FAM47E: variants seen among roughly 807,000 people sequenced by gnomAD.
FAM47E encodes family with sequence similarity 47 member E.
FAM47E carries 32 observed loss-of-function variants against 41.6 expected under a neutral mutation model. The ratio of observed to expected loss-of-function variants is 0.77; its 90% confidence interval spans 0.58 to 1.03. FAM47E has a LOEUF of 1.03. Ranked by LOEUF, FAM47E falls within the 50% of genes least tolerant of loss-of-function variation. FAM47E has a pLI of 0.00. For missense variants in FAM47E, 424 were observed against 485.4 expected (o/e 0.87, Z 1.19); for synonymous variants, 184 against 188.7 (o/e 0.98, Z 0.20).
At chr4:76,269,957 T>C (rs1169122775) in intron 4 of FAM47E, among the ~76,000 whole-genome samples, 2 of 152,182 alleles carry the variant, frequency 1.3e-5, no homozygotes, top group Non-Finnish European at 2.9e-5. Context: ...TTGCATTCCA[T>C]GTCCCCACCC....
chr4:76,266,252 A>G (rs1734629397), intron 3 of FAM47E, among the ~76,000 whole-genome samples: 1 of 152,128 alleles, frequency 6.6e-6, no homozygotes, highest in Non-Finnish European at 1.5e-5. Context: ...ACGTTTACTC[A>G]CAACCAAGTG....
chr4:76,247,946 G>C (rs111602263), upstream of FAM47E, among the ~76,000 whole-genome samples: 1,347 of 103,458 alleles, frequency 0.013, 35 homozygotes, highest in African/African-American at 0.047. Context: ...ACAGAGTCTT[G>C]CTCTATCACC....
chr4:76,278,268 T>A, intron 6 of FAM47E, 44 bp downstream of exon 6: 1 of 1,437,362 alleles, frequency 7.0e-7, no homozygotes, highest in South Asian at 1.6e-5. Context: ...CTTCAGATGA[T>A]CACAGTGCAT....
upstream of FAM47E, among the ~76,000 whole-genome samples, chr4:76,248,330 A>C (rs1351801410): frequency 6.6e-6 from 1 of 152,082 alleles, no homozygotes; most frequent in East Asian, 1.9e-4. Flanking sequence ...TTAAGAAGCC[A>C]TTGCCAAATT....
At chr4:76,246,801 C>G (rs760070980), upstream of FAM47E, among the ~76,000 whole-genome samples, 6 of 152,074 alleles carry the variant, frequency 3.9e-5, no homozygotes, top group Non-Finnish European at 8.8e-5. Context: ...TGACGTCTGG[C>G]TTCTTTTGCT....
intron 2 of FAM47E, among the ~76,000 whole-genome samples, chr4:76,225,976 T>C (rs1193447834): frequency 6.6e-6 from 1 of 152,234 alleles, no homozygotes; most frequent in Non-Finnish European, 1.5e-5. Context: ...CCAATTCATC[T>C]TTGAATGTCT....
chr4:76,235,187 G>A (rs1297735423), intron 2 of FAM47E, among the ~76,000 whole-genome samples: 2 of 152,022 alleles, frequency 1.3e-5, no homozygotes, highest in East Asian at 1.9e-4. Context: ...GCGTGGTGGC[G>A]GGCTTCTGTA....
intron 1 of FAM47E, 148 bp downstream of exon 1, chr4:76,251,968 C>G: frequency 9.1e-7 from 1 of 1,099,632 alleles, no homozygotes; most frequent in Non-Finnish European, 1.2e-6. Context: ...ACATAATACG[C>G]TGAGATAACC....
chr4:76,259,886 G>T (rs1484673406), intron 2 of FAM47E, among the ~76,000 whole-genome samples: 1 of 152,128 alleles, frequency 6.6e-6, no homozygotes, highest in Non-Finnish European at 1.5e-5. Flanking sequence ...TGAAATTAAT[G>T]TTCAAAAATC....
Position 76,283,660 on chromosome 4 carries a change from G to T in FAM47E, c.*202G>T, listed in dbSNP as rs983850203. 4.1e-6 allele frequency: 2 copies of T among 489,184 alleles called. No individual in the cohort carries two copies. Among genetic ancestry groups the T allele is most frequent in the Non-Finnish European group, 7.4e-6 (2 of 271,510 alleles). The allele number at this position is 489,184 out of a possible 1,614,324, so 30.3% of individuals were successfully genotyped here. ...TTCTGCTTCAGTTAATCAACATTTT[G>T]TATACTTTATCACCCATGAGATCAA... On this transcript the variant is annotated 3_prime_UTR_variant, in exon 8 of 8. Transcript: ENST00000424749.
At chr4:76,270,965 A>G (rs1734861605) in intron 4 of FAM47E, among the ~76,000 whole-genome samples, 1 of 152,178 alleles carries the variant, frequency 6.6e-6, no homozygotes. Context: ...CCACAATGCC[A>G]GCTGCTGGTG....
At chr4:76,276,359 T>TTG (rs148218893) in intron 5 of FAM47E, among the ~76,000 whole-genome samples, 30,434 of 111,360 alleles carry the variant, frequency 0.27, 3,214 homozygotes, top group Middle Eastern at 0.39. Context: ...GGGTTACTTT[T>TTG]TTTTGTTTGT....
chr4:76,261,303 C>T (rs1734405953), intron 2 of FAM47E, among the ~76,000 whole-genome samples: 1 of 152,160 alleles, frequency 6.6e-6, no homozygotes, highest in Admixed American at 6.5e-5. Context: ...TGCCATTCAA[C>T]CCAGCAATTC....
At chr4:76,262,544 T>C (rs550546910) in intron 2 of FAM47E, among the ~76,000 whole-genome samples, 2 of 152,200 alleles carry the variant, frequency 1.3e-5, no homozygotes, top group Non-Finnish European at 2.9e-5. Context: ...AGAGCTCTAA[T>C]TCATTTCATG....
chr4:76,263,060 C>T lies in FAM47E; in HGVS notation c.421-644C>T, dbSNP rs575171933. 1.5e-4 allele frequency among the ~76,000 whole-genome samples: 23 copies of T among 152,122 alleles called. 1 individual carries two copies. The highest frequency in any genetic ancestry group is 1.5e-3 in the South Asian group (7 of 4,826). On this transcript the variant is annotated intron_variant, in intron 2 of 7. Transcript: ENST00000424749. ...GAGATTATATGCCTTAGCCACTGTG[C>T]CTGGCCCCATTGTGCTTTTTGATTG...
intron 2 of FAM47E, among the ~76,000 whole-genome samples, chr4:76,222,517 C>T (rs1014469368): frequency 5.9e-5 from 9 of 152,204 alleles, no homozygotes; most frequent in African/African-American, 1.9e-4. Context: ...CATGAGCCAC[C>T]GTGCCCGGCC....
At chr4:76,233,750 G>T (rs1733533561) in intron 2 of FAM47E, among the ~76,000 whole-genome samples, 1 of 152,084 alleles carries the variant, frequency 6.6e-6, no homozygotes, top group South Asian at 2.1e-4. Context: ...CAGGATTGCT[G>T]AACAAAGCCC....
At chr4:76,270,593 C>G (rs1190390063) in intron 4 of FAM47E, among the ~76,000 whole-genome samples, 1 of 152,122 alleles carries the variant, frequency 6.6e-6, no homozygotes, top group Non-Finnish European at 1.5e-5. Context: ...TGCCTGATTT[C>G]CAGCGTCCAC....
At chr4:76,229,153 A>G (rs1578753378) in intron 2 of FAM47E, among the ~76,000 whole-genome samples, 1 of 152,052 alleles carries the variant, frequency 6.6e-6, no homozygotes, top group South Asian at 2.1e-4. Context: ...TGTGCACTTT[A>G]TATTTTTCTA....
Sources: gnomAD v4.1 joint callset for allele counts (sites outside exome capture counted in the v4.1 genomes callset) on GRCh38, gnomAD v4.1.1 for gene constraint, MANE v1.5 for transcripts, NCBI Gene and HGNC (gene_info 2026-07-23, HGNC 2026-07-21) for gene names.